NAT1: variants seen among roughly 807,000 people sequenced by gnomAD.
NAT1 encodes the protein arylamine N-acetyltransferase 1.
For missense variants in NAT1, 400 were observed against 339.2 expected (o/e 1.18, Z -1.41); for synonymous variants, 144 against 122.6 (o/e 1.17, Z -1.16).
chr8:18,220,354 G>A (rs1805155110), intron 2 of NAT1, among the ~76,000 whole-genome samples: 1 of 151,958 alleles, frequency 6.6e-6, no homozygotes, highest in African/African-American at 2.4e-5. Context: ...GTTATGAGAA[G>A]GGAAAATAAG....
At chr8:18,221,885 G>A (rs567221375) in intron 2 of NAT1, 157 bp from the exon 3 acceptor site, 2 of 722,158 alleles carry the variant, frequency 2.8e-6, no homozygotes, top group African/African-American at 3.6e-5. Context: ...CTGAACTTAT[G>A]TGTGTAAAAG....
intron 2 of NAT1, among the ~76,000 whole-genome samples, chr8:18,197,602 T>G (rs921475943): frequency 5.3e-5 from 8 of 152,196 alleles, no homozygotes; most frequent in Non-Finnish European, 1.2e-4. Flanking sequence ...CACTGGTATG[T>G]TCTACACTTT....
chr8:18,192,495 T>C (rs1416348166), intron 2 of NAT1, among the ~76,000 whole-genome samples: 1 of 152,218 alleles, frequency 6.6e-6, no homozygotes, highest in African/African-American at 2.4e-5. Context: ...ACTGGGTATA[T>C]ACCCAATGGA....
chr8:18,173,093 C>T (rs1802156993), intron 2 of NAT1, among the ~76,000 whole-genome samples: 1 of 152,036 alleles, frequency 6.6e-6, no homozygotes, highest in Admixed American at 6.6e-5. Context: ...GTAGATTTCT[C>T]TGACTGGGCT....
chr8:18,199,795 A>G (rs1477914411), intron 2 of NAT1, among the ~76,000 whole-genome samples: 2 of 152,182 alleles, frequency 1.3e-5, no homozygotes, highest in African/African-American at 4.8e-5. Flanking sequence ...TTGTGCATTT[A>G]GGTAAGAAAA....
intron 2 of NAT1, chr8:18,201,250 G>A (rs1021495275): frequency 6.6e-6 from 1 of 152,154 alleles, no homozygotes; most frequent in Non-Finnish European, 1.5e-5. Context: ...AAAATCATTT[G>A]TTTTGGTTTA....
chr8:18,197,061 G>A (rs765818018), intron 2 of NAT1, among the ~76,000 whole-genome samples: 1 of 152,120 alleles, frequency 6.6e-6, no homozygotes, highest in Non-Finnish European at 1.5e-5. Context: ...AGGGAAGCAG[G>A]CACCTTTCAC....
Position 18,170,856 on chromosome 8 carries a change from G to A in NAT1, n.92+117G>A, listed in dbSNP as rs1305294792. On this transcript the variant is annotated intron_variant and non_coding_transcript_variant, in intron 2 of 4. Coordinates refer to the NAT1 transcript ENST00000517441. ...TTATTTTGTGTTCTGAGCTCTCCAC[G>A]TTTATCTCAGCGACCTTTGTTCCTT... 5 of 151,732 alleles carry A rather than the reference G, an allele frequency of 3.3e-5. No individual in the cohort carries two copies. In the East Asian group the frequency reaches 5.9e-4, roughly 18 times the overall value. 9.4% of individuals were successfully genotyped at this position (151,732 alleles called of 1,614,324 possible).
chr8:18,195,077 G>A (rs982052906), intron 2 of NAT1, among the ~76,000 whole-genome samples: 2 of 152,292 alleles, frequency 1.3e-5, no homozygotes, highest in Middle Eastern at 3.4e-3. Flanking sequence ...AGGTCAAGGA[G>A]TTTCCCCTTG....
intron 2 of NAT1, among the ~76,000 whole-genome samples, chr8:18,202,783 G>T (rs778263061): frequency 6.6e-6 from 1 of 152,180 alleles, no homozygotes; most frequent in African/African-American, 2.4e-5. Flanking sequence ...GGAGCAGCAA[G>T]ATTTATTGTG....
intron 2 of NAT1, among the ~76,000 whole-genome samples, chr8:18,174,602 G>A (rs960173553): frequency 2.0e-5 from 3 of 151,968 alleles, no homozygotes; most frequent in South Asian, 2.1e-4. Context: ...TTCAAAATCC[G>A]GAGGAGTCCT....
chr8:18,190,941 C>A (rs997427136), intron 2 of NAT1, among the ~76,000 whole-genome samples: 1 of 151,940 alleles, frequency 6.6e-6, no homozygotes, highest in Admixed American at 6.6e-5. Context: ...GTGGCACATG[C>A]CTGTAATCCC....
At chr8:18,218,375 CAT>C (rs1417480750) in intron 1 of NAT1, among the ~76,000 whole-genome samples, 14 of 152,116 alleles carry the variant, frequency 9.2e-5, no homozygotes, top group Non-Finnish European at 1.8e-4. Flanking sequence ...ATATAAGAAA[CAT>C]ATGGTACCTA....
At chr8:18,208,549 G>A (rs1803833293), upstream of NAT1, among the ~76,000 whole-genome samples, 1 of 152,122 alleles carries the variant, frequency 6.6e-6, no homozygotes, top group Non-Finnish European at 1.5e-5. Flanking sequence ...AAAATAGAGG[G>A]TGGAACAAGG....
At chr8:18,197,669 T>A (rs112975171) in intron 2 of NAT1, among the ~76,000 whole-genome samples, 146 of 152,294 alleles carry the variant, frequency 9.6e-4, no homozygotes, top group African/African-American at 3.4e-3. Context: ...CTAAACAGCA[T>A]CCTTTCTCTC....
In NAT1 at chr8:18,193,020, C is replaced by A. The variant is rs898569609; in HGVS notation, n.93-16761C>A. Among the ~76,000 whole-genome samples, 8 of 147,852 alleles carry A rather than the reference C, an allele frequency of 5.4e-5. No individual in the cohort carries two copies. In the South Asian group the frequency reaches 1.7e-3, roughly 31 times the overall value. On this transcript the variant is annotated intron_variant and non_coding_transcript_variant, in intron 2 of 4. Transcript: ENST00000517441. Reference sequence around the variant, plus strand: ...ATAAAAAATAAAATAAAATAAACAACAACAACAACAAAAGATTTTCCAGAT... The same window carrying A: ...ATAAAAAATAAAATAAAATAAACAAAAACAACAACAAAAGATTTTCCAGAT...
chr8:18,174,897 A>G (rs927361939), intron 2 of NAT1, among the ~76,000 whole-genome samples: 4 of 152,228 alleles, frequency 2.6e-5, no homozygotes, highest in African/African-American at 7.2e-5. Context: ...GAGAAAACAT[A>G]CACAGTCCTC....
In NAT1 at chr8:18,204,163, T is replaced by TCTCTCTCTCTCTC. The variant is rs1563177737; in HGVS notation, n.93-5618_93-5617insCTCTCTCTCTCTC. Among the ~76,000 whole-genome samples the TCTCTCTCTCTCTC allele has an allele frequency of 4.2e-3, 621 of 148,712 alleles. 8 individuals carry two copies. Among genetic ancestry groups the TCTCTCTCTCTCTC allele is most frequent in the African/African-American group, 0.015 (601 of 40,772 alleles). On this transcript the variant is annotated intron_variant and non_coding_transcript_variant, in intron 2 of 4. Transcript: ENST00000517441. ...TGCCTCCTTGACTTTTTGGATGTCT[T>TCTCTCTCTCTCTC]TCTCTCTCTCTCTCTCTCTCTCGCA...
chr8:18,191,529 G>A lies in NAT1; in HGVS notation n.93-18252G>A, dbSNP rs960715171. Among the ~76,000 whole-genome samples the A allele has an allele frequency of 1.8e-4, 27 of 151,822 alleles. No individual in the cohort carries two copies. In the South Asian group the frequency reaches 2.5e-3, roughly 14 times the overall value. On this transcript the variant is annotated intron_variant and non_coding_transcript_variant, in intron 2 of 4. Transcript: ENST00000517441. Reference sequence around the variant, plus strand: ...ATGGAACCAAAAAAGAGCCCGCATCGCCAAGTCAATCCTAAGCCAAAAGAA... The same window carrying A: ...ATGGAACCAAAAAAGAGCCCGCATCACCAAGTCAATCCTAAGCCAAAAGAA...
Sources: gnomAD v4.1 joint callset for allele counts (sites outside exome capture counted in the v4.1 genomes callset) on GRCh38, gnomAD v4.1.1 for gene constraint, MANE v1.5 for transcripts, NCBI Gene and HGNC (gene_info 2026-07-23, HGNC 2026-07-21) for gene names.